ZNF671: variants seen among roughly 807,000 people sequenced by gnomAD.
ZNF671 encodes hypothetical protein FLJ23506.
In ZNF671, 19 loss-of-function variants were observed where a neutral mutation model predicts 16.6. That is an observed-to-expected ratio of 1.14 (90% CI 0.80 to 1.68). The LOEUF is 1.68. Among genes scored for constraint, ZNF671 ranks in the 40% most tolerant of loss-of-function variants. The pLI is 0.00. For missense variants in ZNF671, 637 were observed against 659.8 expected, an observed-to-expected ratio of 0.97 and a Z score of 0.38; for synonymous variants, 238 against 236.3, an observed-to-expected ratio of 1.01 and a Z score of -0.06.
At position 57,727,560 on chromosome 19, in the gene ZNF671, C is replaced by T. The variant is rs1396397703; in HGVS notation, c.-32G>A. 1.3e-6 allele frequency: 2 copies of T among 1,579,412 alleles called. No homozygotes were observed. The highest frequency in any genetic ancestry group is 1.3e-5 in the African/African-American group (1 of 74,218). On this transcript the variant is annotated 5_prime_UTR_variant, in exon 1 of 4. Transcript: ENST00000317398. The stretch of plus-strand genomic sequence containing the variant: ...CGCGCTTTCCCAACACCTCCACCTG[C>T]GGCCCACACAAGCGTTACAGAACCC...
Position 57,721,144 on chromosome 19 carries a change from C to G in ZNF671, c.942G>C (p.Glu314Asp). 1.9e-6 allele frequency: 3 copies of G among 1,614,168 alleles called. No individual in the cohort carries two copies. Among genetic ancestry groups the G allele is most frequent in the Non-Finnish European group, 2.5e-6 (3 of 1,180,010 alleles). ...TGAAGAATTTCCCACATTCGTTACA[C>G]TCATAAGGCCTTTCTCCAGTGTGGA... Reference protein sequence around the residue: ...QRIHTGERPYECNECGKFFSQ... With the variant: ...QRIHTGERPYDCNECGKFFSQ... Residue 314 changes from glutamate (E) to aspartate (D), a missense_variant, in exon 4 of 4, where the codon GAG becomes GAC. Transcript: ENST00000317398.
chr19:57,727,223 C>A, intron 1 of ZNF671, 168 bp downstream of exon 1: 2 of 968,616 alleles, frequency 2.1e-6, no homozygotes, highest in Non-Finnish European at 2.9e-6. Context: ...ACCCCCGAGC[C>A]TTTACCTGCG....
chr19:57,726,294 G>A (rs1986045986), intron 1 of ZNF671, among the ~76,000 whole-genome samples: 1 of 151,748 alleles, frequency 6.6e-6, no homozygotes, highest in Non-Finnish European at 1.5e-5. Flanking sequence ...CTGGGCGACA[G>A]AGTGAGACTT....
At chr19:57,725,461 C>T (rs1433016299) in intron 1 of ZNF671, among the ~76,000 whole-genome samples, 1 of 151,580 alleles carries the variant, frequency 6.6e-6, no homozygotes, top group Admixed American at 6.6e-5. Context: ...GAAACCCCGT[C>T]TCTACTAAAA....
intron 3 of ZNF671, 132 bp from the exon 4 acceptor site, chr19:57,721,829 G>T: frequency 7.8e-7 from 1 of 1,290,112 alleles, no homozygotes; most frequent in Non-Finnish European, 1.1e-6. Context: ...CATGGTCAGA[G>T]TGAGGAAGGA....
rs951603373 is a variant in ZNF671, at chr19:57,723,340, C to T, written c.139G>A (p.Gly47Ser). Residue 47 changes from glycine (G) to serine (S), a missense_variant and splice_region_variant, in exon 2 of 4, where the codon GGC becomes AGC. Transcript: ENST00000317398. ...AACACATCCTCAAAGACCACACAGC[C>T]CTGCAACAAAAGGGACAGGAAGGAC... ...PMAELTDSAR[G>S]CVVFEDVFVY... The T allele has an allele frequency of 1.2e-6, 2 of 1,608,528 alleles. No individual in the cohort carries two copies. Among genetic ancestry groups the T allele is most frequent in the Admixed American group, 3.4e-5 (2 of 59,086 alleles).
rs1985791961 is a variant in ZNF671, at chr19:57,719,969, C to A, written c.*512G>T. 1.2e-5 allele frequency: 2 copies of A among 160,180 alleles called. No homozygotes were observed. Among genetic ancestry groups the A allele is most frequent in the South Asian group, 1.7e-4 (1 of 5,726 alleles). 9.9% of individuals were successfully genotyped at this position (160,180 alleles called of 1,614,324 possible). A position where few individuals can be genotyped will look rare whatever the true frequency, so the allele number is the denominator to read the frequency against. ...TACATCAAAAGAGAGGAAATTAAGA[C>A]CCCTAGTGGGCTGTGAGACCACTCA... On this transcript the variant is annotated 3_prime_UTR_variant, in exon 4 of 4. Coordinates refer to ENST00000317398, the MANE Select transcript of ZNF671 (RefSeq NM_024833.3).
intron 1 of ZNF671, among the ~76,000 whole-genome samples, chr19:57,724,632 TCTC>T (rs1985985884): frequency 6.6e-6 from 1 of 151,940 alleles, no homozygotes; most frequent in Non-Finnish European, 1.5e-5. Context: ...TTCACACCAT[TCTC>T]CTGCCTCAGC....
Position 57,721,145 on chromosome 19 carries a change from T to G in ZNF671, c.941A>C (p.Glu314Ala). 6.2e-7 allele frequency: 1 copy of G among 1,614,102 alleles called. No individual in the cohort carries two copies. Among genetic ancestry groups the G allele is most frequent in the Non-Finnish European group, 8.5e-7 (1 of 1,179,982 alleles). ...QRIHTGERPY[E>A]CNECGKFFSQ... is the part of the protein sequence containing the mutation. ...GAAGAATTTCCCACATTCGTTACAC[T>G]CATAAGGCCTTTCTCCAGTGTGGAT... Residue 314 changes from glutamate to alanine, a missense_variant, in exon 4 of 4, where the codon GAG becomes GCG. By Grantham distance (107) the Glu-to-Ala change is moderately radical. Coordinates refer to ENST00000317398, the MANE Select transcript of ZNF671 (RefSeq NM_024833.3).
rs201935416 is a variant in ZNF671, at chr19:57,726,310, C to CA, written c.138+1080dup. On this transcript the variant is annotated intron_variant, in intron 1 of 3. Coordinates refer to ENST00000317398, the MANE Select transcript of ZNF671 (RefSeq NM_024833.3). The stretch of plus-strand genomic sequence containing the variant: ...TGGGCGACAGAGTGAGACTTCGTCT[C>CA]AAAAAAAATAAAAAAAATAAATAAA... Among the ~76,000 whole-genome samples the CA allele has an allele frequency of 1.2e-3, 181 of 150,026 alleles. 5 individuals are homozygous for CA. In the East Asian group the frequency reaches 0.033, roughly 27 times the overall value.
rs759513050 is a variant in ZNF671, at chr19:57,720,930, G to C, written c.1156C>G (p.Arg386Gly). 3.7e-6 allele frequency: 6 copies of C among 1,613,936 alleles called. No individual in the cohort carries two copies. The Admixed American group carries it at 5.0e-5, about 13-fold the overall frequency. ...GCTCCTGTGTGAACTTCCTGGTGTC[G>C]AATGAGATTAGACTTACTGCTAAAA... ...KFFSSKSNLI[R>G]HQEVHTGARP... The change falls in exon 4 of 4, where the codon CGA (arginine) becomes GGA (glycine). Residue 386 changes from arginine (R) to glycine (G), a missense_variant. Arg to Gly is a moderately radical substitution (Grantham distance 125). Transcript: ENST00000317398.
chr19:57,726,731 C>T (rs1225791320), intron 1 of ZNF671, among the ~76,000 whole-genome samples: 4 of 152,200 alleles, frequency 2.6e-5, no homozygotes, highest in African/African-American at 9.7e-5. Flanking sequence ...AGGAAGCCTC[C>T]ACTCTGAGAC....
In ZNF671 at chr19:57,727,390, C is replaced by A. The variant is rs1486327212; in HGVS notation, c.138+1G>T. On this transcript the variant is annotated splice_donor_variant, in intron 1 of 3. Transcript: ENST00000317398. LOFTEE classifies it high-confidence loss of function. ...GAGGGCCCGGAGGACGCAGCACCCA[C>A]CCGCGCGGAGTCCGTTAGCTCCGCC... 6.3e-7 allele frequency: 1 copy of A among 1,597,260 alleles called. No individual in the cohort carries two copies. Among genetic ancestry groups the A allele is most frequent in the African/African-American group, 1.3e-5 (1 of 74,582 alleles).
Position 57,727,600 on chromosome 19 carries a change from C to A in ZNF671, c.-72G>T. The A allele has an allele frequency of 1.3e-6, 2 of 1,535,998 alleles. No homozygotes were observed. Among genetic ancestry groups the A allele is most frequent in the East Asian group, 2.3e-5 (1 of 43,370 alleles). ...TTACAGAACCCCGGCCAGGGACAGC[C>A]TGACAGAAACAAAATGTCCGCTACA... On this transcript the variant is annotated 5_prime_UTR_variant, in exon 1 of 4. The change creates a new upstream start codon in the 5' untranslated region. Coordinates refer to ENST00000317398, the MANE Select transcript of ZNF671 (RefSeq NM_024833.3).
chr19:57,722,587 T>A, intron 2 of ZNF671, 149 bp from the exon 3 acceptor site: 2 of 1,275,652 alleles, frequency 1.6e-6, no homozygotes, highest in Middle Eastern at 2.2e-4. Context: ...TGCCTATAAC[T>A]CCTGACAAGG....
chr19:57,724,453 G>GAAT (rs1985979953), intron 1 of ZNF671, among the ~76,000 whole-genome samples: 1 of 152,122 alleles, frequency 6.6e-6, no homozygotes, highest in Non-Finnish European at 1.5e-5. Flanking sequence ...GTGTGTCAGG[G>GAAT]AATAGGAACG....
In ZNF671 at chr19:57,722,300, C is replaced by T. The variant is rs1173184628; in HGVS notation, c.388+16G>A. On this transcript the variant is annotated intron_variant, in intron 3 of 3. Transcript: ENST00000317398. ...ACCCAGCTTTGACATCGTGCCCTTC[C>T]CCGATGTCCACTCACCAGGTCTAAG... The T allele has an allele frequency of 2.5e-6, 4 of 1,613,290 alleles. No homozygotes were observed. In the East Asian group the frequency reaches 8.9e-5, roughly 36 times the overall value.
rs1985916690 is a variant in ZNF671, at chr19:57,722,522, C to CA, written c.266-85_266-84insT. The stretch of plus-strand genomic sequence containing the variant: ...GATGGACTTCAGGTAAGAAAAATAA[C>CA]CTGGGAGGAGTTGTGCAGGAATAAC... On this transcript the variant is annotated intron_variant, in intron 2 of 3. Coordinates refer to ENST00000317398, the MANE Select transcript of ZNF671 (RefSeq NM_024833.3). 1.1e-5 allele frequency: 17 copies of CA among 1,575,798 alleles called. No individual in the cohort carries two copies. In the South Asian group the frequency reaches 2.0e-4, roughly 18 times the overall value.
intron 1 of ZNF671, among the ~76,000 whole-genome samples, chr19:57,725,620 C>T (rs745713366): frequency 1.6e-4 from 23 of 146,344 alleles, no homozygotes; most frequent in Admixed American, 7.4e-4. Context: ...AAGAGCAAGA[C>T]TCCATCTCAA....
Sources: allele counts gnomAD v4.1 joint callset (sites outside exome capture counted in the v4.1 genomes callset), GRCh38; gene constraint gnomAD v4.1.1; transcripts MANE v1.5; gene names NCBI Gene and HGNC (gene_info 2026-07-23, HGNC 2026-07-21).